PPARGC1A: variants seen among roughly 807,000 people sequenced by gnomAD.
The protein encoded by PPARGC1A is PPARG coactivator 1 alpha, also known as peroxisome proliferator-activated receptor gamma coactivator 1-alpha.
Under a neutral mutation model 88.7 loss-of-function variants are expected in PPARGC1A, and 25 were observed. The ratio of observed to expected loss-of-function variants is 0.28; its 90% CI spans 0.21 to 0.39. The LOEUF is 0.39. Ranked by LOEUF, PPARGC1A falls within the 10% of genes least tolerant of loss-of-function variation. The probability of loss-of-function intolerance (pLI) is 1.00; values close to 1 mark genes in which losing one functional copy is unlikely to be tolerated. For synonymous variants in PPARGC1A, 363 were observed against 355.6 expected, an observed-to-expected ratio of 1.02 and a Z score of -0.24; for missense variants, 880 against 968.7, an observed-to-expected ratio of 0.91 and a Z score of 1.22.
the PPARGC1A span, among the ~76,000 whole-genome samples, chr4:24,215,013 G>C: frequency 1.3e-5 from 2 of 152,112 alleles, no homozygotes; most frequent in African/African-American, 4.8e-5. Context: ...CAATCCAGAG[G>C]TCCAGCAGAA....
At chr4:24,408,070 A>C in the PPARGC1A span, among the ~76,000 whole-genome samples, 3 of 152,182 alleles carry the variant, frequency 2.0e-5, no homozygotes, top group African/African-American at 7.2e-5. Context: ...AGACATACAC[A>C]CCACCACCCA....
the PPARGC1A span, among the ~76,000 whole-genome samples, chr4:24,173,344 A>G: frequency 6.6e-6 from 1 of 150,752 alleles, no homozygotes; most frequent in Non-Finnish European, 1.5e-5. Flanking sequence ...CCACCAAAAA[A>G]AAAAAAAAAA....
chr4:24,139,079 T>C, the PPARGC1A span, among the ~76,000 whole-genome samples: 1 of 152,112 alleles, frequency 6.6e-6, no homozygotes, highest in Non-Finnish European at 1.5e-5. Flanking sequence ...ATGCAAAGTG[T>C]GTTAAACTAT....
At chr4:24,224,466 G>A in the PPARGC1A span, among the ~76,000 whole-genome samples, 1 of 152,174 alleles carries the variant, frequency 6.6e-6, no homozygotes, top group African/African-American at 2.4e-5. Context: ...ATAAGTGAAA[G>A]AATGACCTAG....
chr4:24,245,100 G>A, the PPARGC1A span, among the ~76,000 whole-genome samples: 2 of 152,222 alleles, frequency 1.3e-5, no homozygotes, highest in Admixed American at 1.3e-4. Context: ...CAGCTGGATC[G>A]CATTACATGG....
the PPARGC1A span, among the ~76,000 whole-genome samples, chr4:24,320,170 G>A: frequency 6.6e-6 from 1 of 152,234 alleles, no homozygotes; most frequent in African/African-American, 2.4e-5. Flanking sequence ...TGTACTTGCT[G>A]TGAATCACTG....
At chr4:24,079,142 A>G in the PPARGC1A span, among the ~76,000 whole-genome samples, 1 of 152,048 alleles carries the variant, frequency 6.6e-6, no homozygotes, top group Non-Finnish European at 1.5e-5. Context: ...TAATTTCCTT[A>G]AGAACTATTT....
chr4:23,976,134 G>A, the PPARGC1A span, among the ~76,000 whole-genome samples: 1 of 152,204 alleles, frequency 6.6e-6, no homozygotes, highest in African/African-American at 2.4e-5. Context: ...AAAAATGAAG[G>A]GCAGAATGTG....
At chr4:24,204,498 G>A in the PPARGC1A span, among the ~76,000 whole-genome samples, 1 of 151,958 alleles carries the variant, frequency 6.6e-6, no homozygotes, top group Non-Finnish European at 1.5e-5. Context: ...AAGGAAAAGG[G>A]AGGGGAAGAG....
the PPARGC1A span, among the ~76,000 whole-genome samples, chr4:24,144,716 A>G: frequency 6.6e-6 from 1 of 151,350 alleles, no homozygotes; most frequent in East Asian, 2.0e-4. Flanking sequence ...CCCCTTTTCT[A>G]TCTGTCCTCC....
chr4:24,127,502 T>G, the PPARGC1A span, among the ~76,000 whole-genome samples: 1 of 152,036 alleles, frequency 6.6e-6, no homozygotes, highest in Non-Finnish European at 1.5e-5. Context: ...TCAGTACAAT[T>G]ACCAAGAATC....
chr4:24,261,258 C>T, the PPARGC1A span, among the ~76,000 whole-genome samples: 1 of 152,192 alleles, frequency 6.6e-6, no homozygotes, highest in Non-Finnish European at 1.5e-5. Flanking sequence ...CTATCTCTCC[C>T]TCCCCTTGGA....
chr4:24,087,151 A>T, the PPARGC1A span, among the ~76,000 whole-genome samples: 2 of 152,214 alleles, frequency 1.3e-5, no homozygotes, highest in South Asian at 2.1e-4. Flanking sequence ...AGGGGAAAAA[A>T]GGTAGAAAGC....
chr4:23,980,524 C>G, the PPARGC1A span, among the ~76,000 whole-genome samples: 2 of 152,036 alleles, frequency 1.3e-5, no homozygotes, highest in African/African-American at 4.8e-5. Context: ...TAGTTGGAAA[C>G]AAAAGTACCC....
At chr4:24,065,390 T>C in the PPARGC1A span, among the ~76,000 whole-genome samples, 1 of 152,126 alleles carries the variant, frequency 6.6e-6, no homozygotes, top group African/African-American at 2.4e-5. Flanking sequence ...CGTTAGGGGA[T>C]TGCCTTCCAT....
At chr4:24,437,924 T>G in the PPARGC1A span, among the ~76,000 whole-genome samples, 4 of 152,024 alleles carry the variant, frequency 2.6e-5, no homozygotes, top group African/African-American at 9.7e-5. Context: ...TGATCCACCC[T>G]CCTCAGCCTC....
intron 2 of PPARGC1A, among the ~76,000 whole-genome samples, chr4:23,842,818 T>A (rs1727301470): frequency 6.6e-6 from 1 of 152,140 alleles, no homozygotes; most frequent in Non-Finnish European, 1.5e-5. Context: ...CAAGTTTGGG[T>A]AATTTGCTGT....
chr4:24,398,487 C>T, the PPARGC1A span, among the ~76,000 whole-genome samples: 2 of 152,156 alleles, frequency 1.3e-5, 1 homozygote, highest in South Asian at 4.1e-4. Context: ...ATTTTTGATA[C>T]ATACATTATT....
At chr4:24,402,147 T>A in the PPARGC1A span, among the ~76,000 whole-genome samples, 1 of 152,194 alleles carries the variant, frequency 6.6e-6, no homozygotes, top group African/African-American at 2.4e-5. Flanking sequence ...CCTGGCCTTC[T>A]GGCCTGCTTG....
Sources: gnomAD v4.1 joint callset for allele counts (sites outside exome capture counted in the v4.1 genomes callset) on GRCh38, gnomAD v4.1.1 for gene constraint, MANE v1.5 for transcripts, NCBI Gene and HGNC (gene_info 2026-07-23, HGNC 2026-07-21) for gene names.